The following AKAP13 variants were observed in gnomAD, a reference collection of about 807,000 sequenced individuals.
The protein encoded by AKAP13 is A-kinase anchoring protein 13.
AKAP13 carries 80 observed loss-of-function variants against 264.5 expected under a neutral mutation model. The observed-to-expected ratio is 0.30, with a 90% CI of 0.25 to 0.36. The LOEUF is 0.36. Ranked by LOEUF, AKAP13 falls within the 10% of genes least tolerant of loss-of-function variation. The probability of loss-of-function intolerance (pLI) is 1.00; values close to 1 mark genes in which losing one functional copy is unlikely to be tolerated. For synonymous variants in AKAP13, 1,380 were observed against 1,250.2 expected (o/e 1.10, Z -2.19); for missense variants, 3,712 against 3,435.2 (o/e 1.08, Z -2.01).
intron 5 of AKAP13, among the ~76,000 whole-genome samples, chr15:85,562,691 C>CTTTTTTTTTTTTTTTTTTTTTTTTTTT (rs10598092): frequency 8.0e-5 from 8 of 100,520 alleles, no homozygotes; most frequent in East Asian, 7.9e-4. Flanking sequence ...CTTTTCTTTT[C>CTTTTTTTTTTTTTTTTTTTTTTTTTTT]TTTTTTTTTT....
chr15:85,556,642 A>G (rs2078159280), intron 5 of AKAP13, among the ~76,000 whole-genome samples: 1 of 152,186 alleles, frequency 6.6e-6, no homozygotes, highest in Non-Finnish European at 1.5e-5. Flanking sequence ...ACTTCATTTC[A>G]TAACATTTTT....
intron 8 of AKAP13, chr15:85,619,352 A>AGGAG: frequency 1.8e-5 from 18 of 981,806 alleles, no homozygotes; most frequent in Non-Finnish European, 2.1e-5. Context: ...TAGGGAGGGA[A>AGGAG]GGAGGGAGGG....
chr15:85,638,756 T>G (rs2082176680), intron 8 of AKAP13, among the ~76,000 whole-genome samples: 1 of 107,726 alleles, frequency 9.3e-6, no homozygotes, highest in Non-Finnish European at 1.9e-5. Flanking sequence ...CAGCAACCCC[T>G]CTGAGCCTGT....
At chr15:85,693,066 C>T (rs2085379146) in intron 16 of AKAP13, 5 of 750,520 alleles carry the variant, frequency 6.7e-6, no homozygotes, top group Non-Finnish European at 9.7e-6. Context: ...GTTCCGCCTG[C>T]CCAGTTTTCG....
intron 8 of AKAP13, chr15:85,620,047 A>C: frequency 6.5e-7 from 1 of 1,535,828 alleles, no homozygotes; most frequent in Non-Finnish European, 8.7e-7. Context: ...TTAACAGTGG[A>C]TATACTTCCT....
intron 29 of AKAP13, among the ~76,000 whole-genome samples, chr15:85,729,289 G>A (rs2087818904): frequency 6.6e-6 from 1 of 152,060 alleles, no homozygotes; most frequent in South Asian, 2.1e-4. Context: ...ACTTCAGCCT[G>A]GGTGGCTGAA....
chr15:85,381,017 C>G (rs1222620702), intron 1 of AKAP13, among the ~76,000 whole-genome samples: 2 of 152,078 alleles, frequency 1.3e-5, no homozygotes, highest in Non-Finnish European at 2.9e-5. Flanking sequence ...CGCCCTTCTC[C>G]CGCATTGTCT....
At chr15:85,604,495 G>T (rs549845115) in intron 8 of AKAP13, among the ~76,000 whole-genome samples, 33 of 149,832 alleles carry the variant, frequency 2.2e-4, no homozygotes, top group Non-Finnish European at 4.0e-4. Context: ...TTGGAGCCTC[G>T]CTCTGTTGCT....
intron 1 of AKAP13, among the ~76,000 whole-genome samples, chr15:85,420,220 C>T (rs910063658): frequency 6.6e-6 from 1 of 151,760 alleles, no homozygotes; most frequent in African/African-American, 2.4e-5. Flanking sequence ...GGATTACAGG[C>T]GTGAGCCACC....
intron 5 of AKAP13, among the ~76,000 whole-genome samples, chr15:85,548,646 A>G (rs1389171740): frequency 2.0e-5 from 3 of 152,216 alleles, no homozygotes; most frequent in Non-Finnish European, 4.4e-5. Flanking sequence ...ACTCTATTTG[A>G]ACATTTCTTA....
intron 1 of AKAP13, among the ~76,000 whole-genome samples, chr15:85,470,311 C>A (rs553734487): frequency 4.6e-5 from 7 of 152,008 alleles, no homozygotes; most frequent in Non-Finnish European, 7.4e-5. Flanking sequence ...CCAAACCAAA[C>A]CAAAACAAAA....
intron 8 of AKAP13, among the ~76,000 whole-genome samples, chr15:85,603,269 G>A (rs2080173200): frequency 6.6e-6 from 1 of 152,158 alleles, no homozygotes; most frequent in Non-Finnish European, 1.5e-5. Flanking sequence ...TTCCCATTTT[G>A]TCACACAGAA....
At chr15:85,715,600 G>C (rs56329954) in intron 19 of AKAP13, among the ~76,000 whole-genome samples, 188 bp from the exon 20 acceptor site, 1 of 151,118 alleles carries the variant, frequency 6.6e-6, no homozygotes, top group East Asian at 2.0e-4. Flanking sequence ...AGATGGGTCA[G>C]TACCAGGTGG....
chr15:85,483,551 G>A (rs1169938773), intron 1 of AKAP13, among the ~76,000 whole-genome samples: 12 of 147,926 alleles, frequency 8.1e-5, no homozygotes, highest in African/African-American at 2.1e-4. Context: ...GCGTGAACCC[G>A]GGAAGCGGAG....
intron 8 of AKAP13, among the ~76,000 whole-genome samples, chr15:85,588,554 A>C (rs529029021): frequency 2.0e-5 from 3 of 152,190 alleles, no homozygotes; most frequent in African/African-American, 7.2e-5. Flanking sequence ...TTGCTTTCTG[A>C]TGAGGGATAT....
chr15:85,701,948 T>C (rs1052679921), intron 17 of AKAP13, among the ~76,000 whole-genome samples: 17 of 151,876 alleles, frequency 1.1e-4, no homozygotes, highest in African/African-American at 3.9e-4. Flanking sequence ...CTGCCTCTTA[T>C]AAAAAGAAGG....
At chr15:85,520,359 G>A (rs898213099) in intron 2 of AKAP13, among the ~76,000 whole-genome samples, 18 of 151,888 alleles carry the variant, frequency 1.2e-4, no homozygotes, top group African/African-American at 4.1e-4. Flanking sequence ...TTAGCTGGGC[G>A]TGGTGGTGGG....
chr15:85,682,889 A>T (rs565417946), intron 15 of AKAP13, among the ~76,000 whole-genome samples: 2 of 151,862 alleles, frequency 1.3e-5, no homozygotes, highest in South Asian at 4.2e-4. Context: ...CAGGTCTCAA[A>T]CTCCCGACCT....
At chr15:85,676,833 T>A in intron 14 of AKAP13, 1 of 707,144 alleles carries the variant, frequency 1.4e-6, no homozygotes, top group Non-Finnish European at 1.7e-6. Flanking sequence ...GAGATGAGAA[T>A]GTAAACAAAT....
Sources: gnomAD v4.1 joint callset for allele counts (sites outside exome capture counted in the v4.1 genomes callset) on GRCh38, gnomAD v4.1.1 for gene constraint, MANE v1.5 for transcripts, NCBI Gene and HGNC (gene_info 2026-07-23, HGNC 2026-07-21) for gene names.